Variants in MEIS2 observed in about 807,000 individuals in gnomAD.
MEIS2 encodes the protein Meis homeobox 2.
Under a neutral mutation model 58.6 loss-of-function variants are expected in MEIS2, and 9 were observed. The ratio of observed to expected loss-of-function variants is 0.15; its 90% CI spans 0.09 to 0.27. The LOEUF is 0.27. MEIS2 is among the 10% of genes least tolerant of loss of function. The pLI is 1.00. For synonymous variants in MEIS2, 221 were observed against 228.4 expected (o/e 0.97, Z 0.29); for missense variants, 427 against 635.0 (o/e 0.67, Z 3.52).
chr15:36,948,612 G>A (rs530071927), intron 9 of MEIS2, among the ~76,000 whole-genome samples: 1 of 151,974 alleles, frequency 6.6e-6, no homozygotes, highest in Non-Finnish European at 1.5e-5. Flanking sequence ...TGTTAACTGC[G>A]TCATGGACCA....
chr15:37,082,774 C>G (rs1184737144), intron 7 of MEIS2, among the ~76,000 whole-genome samples: 1 of 152,106 alleles, frequency 6.6e-6, no homozygotes, highest in Non-Finnish European at 1.5e-5. Context: ...TCTAGAACCT[C>G]AGAAATCCAA....
intron 9 of MEIS2, among the ~76,000 whole-genome samples, chr15:36,937,948 A>G (rs1036388837): frequency 6.6e-6 from 1 of 152,198 alleles, no homozygotes; most frequent in Non-Finnish European, 1.5e-5. Flanking sequence ...TTTGCCTACT[A>G]TTCCATTTTT....
chr15:36,921,993 G>A (rs2057530107), intron 9 of MEIS2, among the ~76,000 whole-genome samples: 1 of 152,202 alleles, frequency 6.6e-6, no homozygotes, highest in African/African-American at 2.4e-5. Flanking sequence ...CATGTTCACT[G>A]ATGTGGACTG....
intron 8 of MEIS2, among the ~76,000 whole-genome samples, chr15:36,994,512 G>A (rs79080959): frequency 0.018 from 2,685 of 152,026 alleles, 96 homozygotes; most frequent in African/African-American, 0.061. Flanking sequence ...TATTCCTTTC[G>A]TAATGGTAAA....
chr15:37,097,629 C>G (rs979806696), intron 2 of MEIS2, among the ~76,000 whole-genome samples: 1 of 152,222 alleles, frequency 6.6e-6, no homozygotes, highest in African/African-American at 2.4e-5. Flanking sequence ...GTCAAGGCCT[C>G]TGTTAGGGAG....
intron 7 of MEIS2, among the ~76,000 whole-genome samples, chr15:37,055,414 G>T (rs1315286350): frequency 6.6e-6 from 1 of 152,154 alleles, no homozygotes; most frequent in African/African-American, 2.4e-5. Flanking sequence ...CCCTGTGTGT[G>T]TGTGTTTTTC....
chr15:36,976,418 A>T (rs1248033572), intron 8 of MEIS2, among the ~76,000 whole-genome samples: 2 of 151,140 alleles, frequency 1.3e-5, no homozygotes, highest in African/African-American at 4.8e-5. Flanking sequence ...AAGCAAATGG[A>T]AATGTAAGTG....
intron 9 of MEIS2, among the ~76,000 whole-genome samples, chr15:36,930,775 T>C (rs964499005): frequency 1.3e-5 from 2 of 152,250 alleles, no homozygotes; most frequent in Non-Finnish European, 2.9e-5. Flanking sequence ...GCTCATCATA[T>C]ATACGCACAT....
At chr15:36,957,215 G>T (rs2059013417) in intron 8 of MEIS2, among the ~76,000 whole-genome samples, 1 of 152,114 alleles carries the variant, frequency 6.6e-6, no homozygotes, top group African/African-American at 2.4e-5. Flanking sequence ...ACCATAGAGA[G>T]TAAATTTTAG....
At chr15:37,017,660 A>G (rs767863247) in intron 8 of MEIS2, among the ~76,000 whole-genome samples, 2 of 152,170 alleles carry the variant, frequency 1.3e-5, no homozygotes, top group Non-Finnish European at 2.9e-5. Flanking sequence ...AGCAGACTAA[A>G]AAAAGAAAAA....
At chr15:36,973,134 A>G (rs2059624483) in intron 8 of MEIS2, among the ~76,000 whole-genome samples, 2 of 152,354 alleles carry the variant, frequency 1.3e-5, no homozygotes, top group Middle Eastern at 3.4e-3. Context: ...AAATAGGACA[A>G]TAATACCTGC....
intron 8 of MEIS2, among the ~76,000 whole-genome samples, chr15:37,017,207 TA>T (rs2061378814): frequency 6.6e-6 from 1 of 152,006 alleles, no homozygotes; most frequent in Admixed American, 6.6e-5. Context: ...CATAGGAGGT[TA>T]AAAAAATGAG....
In MEIS2 at chr15:37,100,378, C is replaced by T. The variant is rs1158122397; in HGVS notation, c.-912G>A. 6.5e-6 allele frequency: 1 copy of T among 152,700 alleles called. No individual in the cohort carries two copies. The highest frequency in any genetic ancestry group is 1.5e-5 in the Non-Finnish European group (1 of 68,288). The allele number at this position is 152,700 out of a possible 1,614,324, so 9.5% of individuals were successfully genotyped here. On this transcript the variant is annotated 5_prime_UTR_variant, in exon 1 of 12. Transcript: ENST00000561208. ...TGTTGGCAGGTTGGCTGCTGCCTGG[C>T]TTATTGAAGAGCCTCAGTTTGGCGG...
chr15:36,993,859 C>T (rs1275207964), intron 8 of MEIS2, among the ~76,000 whole-genome samples: 20 of 152,054 alleles, frequency 1.3e-4, no homozygotes, highest in Admixed American at 1.2e-3. Context: ...AGAGAGATTA[C>T]ATATATATAA....
At chr15:36,925,012 C>G (rs1345834369) in intron 9 of MEIS2, among the ~76,000 whole-genome samples, 2 of 152,146 alleles carry the variant, frequency 1.3e-5, no homozygotes, top group South Asian at 2.1e-4. Flanking sequence ...GCAAGACCGC[C>G]CGGGCAGCAC....
At chr15:37,045,744 T>A (rs1471043467) in intron 7 of MEIS2, among the ~76,000 whole-genome samples, 2 of 152,118 alleles carry the variant, frequency 1.3e-5, no homozygotes, top group Non-Finnish European at 2.9e-5. Flanking sequence ...TAAAGTGAAA[T>A]TTTTCTGTGA....
intron 7 of MEIS2, among the ~76,000 whole-genome samples, chr15:37,060,335 G>A (rs2141838343): frequency 6.6e-6 from 1 of 152,292 alleles, no homozygotes; most frequent in Admixed American, 6.5e-5. Flanking sequence ...TCTTAAGAAA[G>A]TATATAGTTT....
intron 8 of MEIS2, among the ~76,000 whole-genome samples, chr15:36,992,084 G>A (rs550220265): frequency 5.8e-4 from 88 of 152,022 alleles, no homozygotes; most frequent in African/African-American, 2.0e-3. Flanking sequence ...CACCGCGCCC[G>A]GCCTAAAGTG....
chr15:36,899,230 T>C (rs1049624784), intron 9 of MEIS2, among the ~76,000 whole-genome samples: 7 of 152,202 alleles, frequency 4.6e-5, no homozygotes, highest in African/African-American at 1.7e-4. Context: ...AGAAATCTCT[T>C]AACATGCAAC....
Sources: gnomAD v4.1 joint callset for allele counts (sites outside exome capture counted in the v4.1 genomes callset) on GRCh38, gnomAD v4.1.1 for gene constraint, MANE v1.5 for transcripts, NCBI Gene and HGNC (gene_info 2026-07-23, HGNC 2026-07-21) for gene names.